The following HHIP variants were observed in gnomAD, a reference collection of about 807,000 sequenced individuals.
HHIP encodes hedgehog interacting protein.
A neutral mutation model predicts 74.0 loss-of-function variants in HHIP; 12 were observed. The observed-to-expected ratio is 0.16, with a 90% CI of 0.10 to 0.26. HHIP has a LOEUF of 0.26. HHIP is among the 10% of genes least tolerant of loss of function. The pLI, the probability that HHIP is intolerant of heterozygous loss-of-function variation, is 1.00. For missense variants in HHIP, 788 were observed against 845.0 expected, an observed-to-expected ratio of 0.93 and a Z score of 0.84; for synonymous variants, 309 against 311.6, an observed-to-expected ratio of 0.99 and a Z score of 0.09.
intron 11 of HHIP, among the ~76,000 whole-genome samples, chr4:144,723,743 G>A (rs1730703810): frequency 6.6e-6 from 1 of 152,108 alleles, no homozygotes; most frequent in African/African-American, 2.4e-5. Flanking sequence ...GCTATTAACA[G>A]GGATACAGGC....
intron 4 of HHIP, among the ~76,000 whole-genome samples, chr4:144,667,174 C>T (rs1728895518): frequency 6.6e-6 from 1 of 152,020 alleles, no homozygotes; most frequent in Admixed American, 6.6e-5. Flanking sequence ...CATAGCGACA[C>T]CCCATCTTCT....
chr4:144,666,277 G>A (rs1365575433), intron 4 of HHIP, among the ~76,000 whole-genome samples: 3 of 151,590 alleles, frequency 2.0e-5, no homozygotes, highest in Non-Finnish European at 2.9e-5. Context: ...GTGTGTGTGT[G>A]TGTGTGTGTG....
chr4:144,654,602 G>T (rs1728512102), intron 2 of HHIP, among the ~76,000 whole-genome samples: 1 of 152,170 alleles, frequency 6.6e-6, no homozygotes. Flanking sequence ...TTGTTGCCTG[G>T]ATTGATCCTT....
rs534774687 is a variant in HHIP, at chr4:144,739,297, C to A, written c.*1340C>A. ...CCAGCTCTCCACGTTTGGATTTTAACAAAATATAAGGCCTCTTTGCACTAG... is the reference window on the plus strand; with the variant it reads ...CCAGCTCTCCACGTTTGGATTTTAAAAAAATATAAGGCCTCTTTGCACTAG... On this transcript the variant is annotated 3_prime_UTR_variant, in exon 13 of 13. Coordinates refer to ENST00000296575, the MANE Select transcript of HHIP (RefSeq NM_022475.3). 1 of 152,288 alleles carries A rather than the reference C, an allele frequency of 6.6e-6. No individual in the cohort carries two copies. The highest frequency in any genetic ancestry group is 1.9e-4 in the East Asian group (1 of 5,182). 9.4% of individuals were successfully genotyped at this position (152,288 alleles called of 1,614,324 possible).
intron 8 of HHIP, among the ~76,000 whole-genome samples, chr4:144,712,575 T>A (rs966175646): frequency 3.9e-5 from 6 of 152,200 alleles, no homozygotes; most frequent in Admixed American, 1.3e-4. Context: ...AAACAAGTCA[T>A]GGGAATGGGA....
At chr4:144,657,508 C>G (rs1728588145) in intron 2 of HHIP, among the ~76,000 whole-genome samples, 1 of 152,106 alleles carries the variant, frequency 6.6e-6, no homozygotes, top group Admixed American at 6.5e-5. Context: ...AAGACTGACT[C>G]TGGTAATACC....
intron 10 of HHIP, among the ~76,000 whole-genome samples, chr4:144,718,433 C>A (rs932717955): frequency 6.6e-6 from 1 of 152,170 alleles, no homozygotes; most frequent in Admixed American, 6.6e-5. Context: ...GAGGTTATAG[C>A]AGTAAGTGCT....
chr4:144,715,859 T>A (rs1000084423), intron 10 of HHIP, among the ~76,000 whole-genome samples: 1 of 152,180 alleles, frequency 6.6e-6, no homozygotes, highest in Non-Finnish European at 1.5e-5. Context: ...ACCCGCTATT[T>A]CTTTTTTCTT....
chr4:144,716,720 G>A (rs1730454846), intron 10 of HHIP, among the ~76,000 whole-genome samples: 2 of 151,664 alleles, frequency 1.3e-5, no homozygotes, highest in Non-Finnish European at 2.9e-5. Context: ...ATACTGGCAG[G>A]CCCCTGTAAT....
chr4:144,657,764 T>A (rs1728593497), intron 2 of HHIP, among the ~76,000 whole-genome samples: 1 of 152,212 alleles, frequency 6.6e-6, no homozygotes, highest in Admixed American at 6.5e-5. Context: ...TGTTTTGGCT[T>A]GTTGATATGT....
intron 4 of HHIP, among the ~76,000 whole-genome samples, chr4:144,666,250 TG>T (rs1728858779): frequency 9.8e-3 from 1 of 102 alleles, no homozygotes; most frequent in Non-Finnish European, 0.042. Flanking sequence ...ACTACAGTCG[TG>T]TGTGTGTGTG....
intron 2 of HHIP, 137 bp downstream of exon 2, chr4:144,652,934 A>G (rs1728463300): frequency 1.8e-6 from 1 of 570,628 alleles, no homozygotes. Flanking sequence ...CATAATTAAC[A>G]TTTCCAAATT....
chr4:144,725,907 G>A (rs1730791062), intron 11 of HHIP, among the ~76,000 whole-genome samples: 3 of 152,226 alleles, frequency 2.0e-5, no homozygotes, highest in Middle Eastern at 3.4e-3. Flanking sequence ...CTGGCCTCAG[G>A]TGATCTGCCT....
chr4:144,724,963 G>A (rs1730755740), intron 11 of HHIP, among the ~76,000 whole-genome samples: 2 of 151,732 alleles, frequency 1.3e-5, no homozygotes, highest in Non-Finnish European at 2.9e-5. Flanking sequence ...TCTTCAAAGT[G>A]AGACTTATAT....
intron 4 of HHIP, among the ~76,000 whole-genome samples, chr4:144,682,139 T>C (rs1482679183): frequency 6.6e-6 from 1 of 152,184 alleles, no homozygotes; most frequent in Non-Finnish European, 1.5e-5. Flanking sequence ...GAACAGCAGA[T>C]TAGAAATATG....
At chr4:144,653,020 T>C (rs1351141833) in intron 2 of HHIP, among the ~76,000 whole-genome samples, 2 of 152,160 alleles carry the variant, frequency 1.3e-5, no homozygotes, top group Non-Finnish European at 2.9e-5. Flanking sequence ...GTTGACTTGT[T>C]ATATATTTCT....
intron 4 of HHIP, among the ~76,000 whole-genome samples, chr4:144,681,529 A>G (rs974304532): frequency 6.7e-6 from 1 of 150,258 alleles, no homozygotes; most frequent in Non-Finnish European, 1.5e-5. Context: ...GGGTCAAGCA[A>G]TTCTCCTGCC....
chr4:144,707,784 A>G (rs1578713676), intron 6 of HHIP, among the ~76,000 whole-genome samples: 1 of 151,754 alleles, frequency 6.6e-6, no homozygotes, highest in Middle Eastern at 3.5e-3. Flanking sequence ...TTATTCCTTT[A>G]TTTATTCAGA....
In HHIP at chr4:144,656,379, C is replaced by A. The variant is rs139975138; in HGVS notation, c.473-2411C>A. On this transcript the variant is annotated intron_variant, in intron 2 of 12. Coordinates refer to ENST00000296575, the MANE Select transcript of HHIP (RefSeq NM_022475.3). Reference sequence around the variant, plus strand: ...AGCAGGCATTGTACCTCTGGAGCCACCAAGTTTATGAATATATATTCATTA... The same window carrying A: ...AGCAGGCATTGTACCTCTGGAGCCAACAAGTTTATGAATATATATTCATTA... 5.4e-3 allele frequency among the ~76,000 whole-genome samples: 822 copies of A among 152,222 alleles called. 8 individuals carry two copies. The highest frequency in any genetic ancestry group is 0.019 in the African/African-American group (801 of 41,540).
Sources: gnomAD v4.1 joint callset for allele counts (sites outside exome capture counted in the v4.1 genomes callset) on GRCh38, gnomAD v4.1.1 for gene constraint, MANE v1.5 for transcripts, NCBI Gene and HGNC (gene_info 2026-07-23, HGNC 2026-07-21) for gene names.